HIBADH: variants seen among roughly 807,000 people sequenced by gnomAD.
HIBADH encodes 3-hydroxyisobutyrate dehydrogenase, mitochondrial.
A neutral mutation model predicts 36.1 loss-of-function variants in HIBADH; 25 were observed. The ratio of observed to expected loss-of-function variants is 0.69; its 90% CI spans 0.50 to 0.97. The LOEUF (loss-of-function observed/expected upper bound fraction) is 0.97. Among genes scored for constraint, HIBADH ranks in the 50% least tolerant of loss-of-function variants. The probability of loss-of-function intolerance (pLI) is 0.00; values close to 1 mark genes in which losing one functional copy is unlikely to be tolerated. For synonymous variants in HIBADH, 160 were observed against 149.5 expected (o/e 1.07, Z -0.51); for missense variants, 421 against 418.0 (o/e 1.01, Z -0.06).
chr7:27,625,672 A>C (rs1024003723), intron 4 of HIBADH, among the ~76,000 whole-genome samples: 1 of 152,194 alleles, frequency 6.6e-6, no homozygotes, highest in Non-Finnish European at 1.5e-5. Flanking sequence ...TATTTTATAA[A>C]TATGTTGCAC....
At chr7:27,529,866 T>C (rs1783966000) in intron 7 of HIBADH, among the ~76,000 whole-genome samples, 1 of 152,172 alleles carries the variant, frequency 6.6e-6, no homozygotes, top group Non-Finnish European at 1.5e-5. Flanking sequence ...TTTAAGAAAT[T>C]GTCATAGCCA....
At chr7:27,586,732 G>A (rs1166271627) in intron 4 of HIBADH, among the ~76,000 whole-genome samples, 3 of 152,016 alleles carry the variant, frequency 2.0e-5, no homozygotes, top group Admixed American at 6.6e-5. Context: ...CTTGTGAGGC[G>A]TTAGCTTTGT....
chr7:27,553,644 A>G (rs1784351886), intron 4 of HIBADH, among the ~76,000 whole-genome samples: 1 of 152,164 alleles, frequency 6.6e-6, no homozygotes. Flanking sequence ...GTTTTCTTTT[A>G]TTCTAAAAAT....
intron 1 of HIBADH, among the ~76,000 whole-genome samples, chr7:27,656,053 G>C (rs1290688666): frequency 6.6e-6 from 1 of 151,964 alleles, no homozygotes; most frequent in African/African-American, 2.4e-5. Flanking sequence ...CACATGAGGG[G>C]CCAGCCAACT....
intron 6 of HIBADH, among the ~76,000 whole-genome samples, chr7:27,533,057 A>C (rs916345027): frequency 1.8e-4 from 27 of 152,210 alleles, no homozygotes; most frequent in Admixed American, 3.9e-4. Flanking sequence ...TTCTCTCTCC[A>C]TTTGAAATAT....
intron 6 of HIBADH, 93 bp from the exon 7 acceptor site, chr7:27,531,441 C>CAATG (rs1340861708): frequency 1.8e-6 from 2 of 1,099,606 alleles, no homozygotes; most frequent in African/African-American, 3.1e-5. Context: ...TCTTCTCTCT[C>CAATG]CATTTATTAT....
intron 4 of HIBADH, among the ~76,000 whole-genome samples, chr7:27,575,293 A>G (rs550470204): frequency 6.6e-6 from 1 of 152,314 alleles, no homozygotes; most frequent in South Asian, 2.1e-4. Flanking sequence ...GGTGACTTTT[A>G]CCTAAGGAGA....
At chr7:27,603,476 C>A (rs1400192553) in intron 4 of HIBADH, among the ~76,000 whole-genome samples, 4 of 151,746 alleles carry the variant, frequency 2.6e-5, no homozygotes, top group Non-Finnish European at 5.9e-5. Context: ...ATTTTTTTAA[C>A]CATAAAATAT....
chr7:27,596,312 A>G (rs1026597720), intron 4 of HIBADH, among the ~76,000 whole-genome samples: 99 of 152,320 alleles, frequency 6.5e-4, no homozygotes, highest in African/African-American at 2.4e-3. Context: ...AACATTATTA[A>G]TCCATTCACA....
chr7:27,615,154 G>A (rs1056272122), intron 4 of HIBADH, among the ~76,000 whole-genome samples: 3 of 152,014 alleles, frequency 2.0e-5, no homozygotes, highest in Non-Finnish European at 4.4e-5. Context: ...CAGTTGCCGG[G>A]GTAAATAAAA....
intron 6 of HIBADH, among the ~76,000 whole-genome samples, chr7:27,536,598 T>C (rs918490864): frequency 1.3e-5 from 2 of 152,168 alleles, no homozygotes; most frequent in Non-Finnish European, 2.9e-5. Context: ...AAGTAGCCAA[T>C]GGTTTTTACT....
At chr7:27,635,613 A>C (rs1785825293) in intron 2 of HIBADH, among the ~76,000 whole-genome samples, 1 of 152,228 alleles carries the variant, frequency 6.6e-6, no homozygotes, top group African/African-American at 2.4e-5. Flanking sequence ...AAGTTCTAAG[A>C]AGGTATGGTT....
chr7:27,639,469 A>T (rs1212927692), intron 2 of HIBADH, among the ~76,000 whole-genome samples: 1 of 152,176 alleles, frequency 6.6e-6, no homozygotes. Context: ...GGTGAGGATC[A>T]AAAAACTACC....
At chr7:27,628,019 A>G (rs1048621995) in intron 4 of HIBADH, among the ~76,000 whole-genome samples, 3 of 152,202 alleles carry the variant, frequency 2.0e-5, no homozygotes, top group African/African-American at 7.2e-5. Context: ...TGGCAAGAAC[A>G]TTTGTACCAT....
intron 4 of HIBADH, among the ~76,000 whole-genome samples, chr7:27,588,220 T>C (rs1258242717): frequency 6.6e-6 from 1 of 152,216 alleles, no homozygotes; most frequent in East Asian, 1.9e-4. Context: ...TGGAGGGTTG[T>C]TGGTTTTTTT....
chr7:27,608,293 C>T (rs1238460351), intron 4 of HIBADH, among the ~76,000 whole-genome samples: 1 of 152,112 alleles, frequency 6.6e-6, no homozygotes, highest in African/African-American at 2.4e-5. Context: ...CCCTCCAAGG[C>T]AAAAGACAGA....
intron 4 of HIBADH, among the ~76,000 whole-genome samples, chr7:27,567,763 A>G (rs1316133401): frequency 6.6e-6 from 1 of 152,198 alleles, no homozygotes; most frequent in East Asian, 1.9e-4. Flanking sequence ...AAAATTTACT[A>G]TTACTGCCTT....
chr7:27,560,556 C>T (rs1784449332), intron 4 of HIBADH, among the ~76,000 whole-genome samples: 1 of 151,938 alleles, frequency 6.6e-6, no homozygotes, highest in Non-Finnish European at 1.5e-5. Context: ...TATATTGTAC[C>T]CAAAATAAAT....
chr7:27,623,092 A>G (rs563360867), intron 4 of HIBADH, among the ~76,000 whole-genome samples: 1 of 152,342 alleles, frequency 6.6e-6, no homozygotes, highest in South Asian at 2.1e-4. Context: ...CACCAGGGAT[A>G]TAAGGATGGT....
Sources: allele counts gnomAD v4.1 joint callset (sites outside exome capture counted in the v4.1 genomes callset), GRCh38; gene constraint gnomAD v4.1.1; transcripts MANE v1.5; gene names NCBI Gene and HGNC (gene_info 2026-07-23, HGNC 2026-07-21).